The following WDR64 variants were observed in gnomAD, a reference collection of about 807,000 sequenced individuals.
WDR64 encodes the protein WD repeat domain 64.
A neutral mutation model predicts 139.3 loss-of-function variants in WDR64; 112 were observed. The ratio of observed to expected loss-of-function variants is 0.80; its 90% confidence interval spans 0.69 to 0.94. WDR64 has a LOEUF of 0.94. Among genes scored for constraint, WDR64 ranks in the 40% least tolerant of loss-of-function variants. The pLI is 0.00. For synonymous variants in WDR64, 444 were observed against 437.7 expected, an observed-to-expected ratio of 1.01 and a Z score of -0.18; for missense variants, 1,206 against 1,293.1, an observed-to-expected ratio of 0.93 and a Z score of 1.03.
intron 3 of WDR64, 82 bp downstream of exon 3, chr1:241,671,258 A>C: frequency 1.0e-6 from 1 of 973,300 alleles, no homozygotes; most frequent in Non-Finnish European, 1.5e-6. Context: ...TTTCCATAGA[A>C]TCACTTTTCA....
chr1:241,745,367 C>T (rs771907673), intron 13 of WDR64, among the ~76,000 whole-genome samples: 6 of 138,560 alleles, frequency 4.3e-5, no homozygotes, highest in Non-Finnish European at 6.5e-5. Flanking sequence ...TCACGTGGAT[C>T]GGTTCTTGAG....
intron 9 of WDR64, among the ~76,000 whole-genome samples, chr1:241,716,072 G>A (rs1048174389): frequency 6.6e-6 from 1 of 152,120 alleles, no homozygotes; most frequent in Admixed American, 6.6e-5. Flanking sequence ...GCCTCTATTA[G>A]TAGAAAATGC....
At chr1:241,724,301 T>C (rs1668719343) in intron 10 of WDR64, among the ~76,000 whole-genome samples, 1 of 152,186 alleles carries the variant, frequency 6.6e-6, no homozygotes, top group Non-Finnish European at 1.5e-5. Flanking sequence ...TATATAGGAA[T>C]ATCCTAGAAA....
intron 25 of WDR64, among the ~76,000 whole-genome samples, chr1:241,791,552 G>A (rs931720024): frequency 4.6e-5 from 7 of 151,992 alleles, no homozygotes; most frequent in Admixed American, 1.3e-4. Flanking sequence ...TCCACCTGTC[G>A]TCCTAGCTAG....
chr1:241,660,680 A>G lies in WDR64; in HGVS notation c.276+20A>G, dbSNP rs1665796972. On this transcript the variant is annotated intron_variant, in intron 2 of 27. Transcript: ENST00000437684. ...TGTGAGGTAGACTCATTTCATGTTC[A>G]TAATATGAAATCCAGGTATTATTTT... 6.5e-7 allele frequency: 1 copy of G among 1,542,680 alleles called. No homozygotes were observed. The highest frequency in any genetic ancestry group is 1.4e-5 in the African/African-American group (1 of 72,522).
chr1:241,791,123 T>A (rs536606094), intron 25 of WDR64, among the ~76,000 whole-genome samples: 1 of 4,376 alleles, frequency 2.3e-4, no homozygotes, highest in Non-Finnish European at 8.5e-4. Context: ...TCCATCTCTA[T>A]TAAAAGTAAA....
intron 25 of WDR64, among the ~76,000 whole-genome samples, chr1:241,792,855 T>C (rs114712844): frequency 7.2e-5 from 11 of 152,262 alleles, no homozygotes; most frequent in African/African-American, 2.4e-4. Context: ...CTAGTAAAGA[T>C]GAAAATAGGC....
In WDR64 at chr1:241,762,801, T is replaced by C. The variant is rs544131373; in HGVS notation, c.1948-3417T>C. Reference sequence around the variant, plus strand: ...AAAAAAAAAAAATAGAATAATAATATAGCTGGTTTATGGAATTTGGAAACA... The same window carrying C: ...AAAAAAAAAAAATAGAATAATAATACAGCTGGTTTATGGAATTTGGAAACA... On this transcript the variant is annotated intron_variant, in intron 15 of 27. Transcript: ENST00000437684. Among the ~76,000 whole-genome samples, 58 of 151,706 alleles carry C rather than the reference T, an allele frequency of 3.8e-4. 1 individual carries two copies. The highest frequency in any genetic ancestry group is 1.2e-3 in the African/African-American group (51 of 41,334).
chr1:241,698,900 C>T (rs1242860485), intron 8 of WDR64, among the ~76,000 whole-genome samples: 1 of 152,302 alleles, frequency 6.6e-6, no homozygotes. Context: ...CACAGTTCTG[C>T]AGGGCTGCAA....
At chr1:241,686,322 G>A (rs772279877) in intron 7 of WDR64, among the ~76,000 whole-genome samples, 9 of 152,168 alleles carry the variant, frequency 5.9e-5, no homozygotes, top group Admixed American at 1.3e-4. Flanking sequence ...ACACTGATAT[G>A]CAAACCATTA....
chr1:241,792,849 T>C (rs1574100860), intron 25 of WDR64, among the ~76,000 whole-genome samples: 1 of 152,170 alleles, frequency 6.6e-6, no homozygotes. Flanking sequence ...CATTATCTAG[T>C]AAAGATGAAA....
chr1:241,782,610 C>T (rs529352643), intron 22 of WDR64, among the ~76,000 whole-genome samples: 2 of 152,202 alleles, frequency 1.3e-5, no homozygotes, highest in Admixed American at 6.5e-5. Context: ...GAAGGTCTCC[C>T]GAGGCCCACG....
intron 13 of WDR64, among the ~76,000 whole-genome samples, chr1:241,747,664 C>T (rs927152077): frequency 1.3e-5 from 2 of 151,750 alleles, no homozygotes; most frequent in Non-Finnish European, 2.9e-5. Flanking sequence ...GTGTTGGGCC[C>T]ATACTGACAT....
Position 241,652,324 on chromosome 1 carries a change from C to T in WDR64, c.-161C>T, listed in dbSNP as rs1246317181. On this transcript the variant is annotated 5_prime_UTR_variant, in exon 1 of 28. Coordinates refer to ENST00000437684, the MANE Select transcript of WDR64 (RefSeq NM_001367482.1). Reference sequence around the variant, plus strand: ...CTCCCTGCTAACATCCTAGTGGCAACTCTTACTCCTACCCGCACTATGGGA... The same window carrying T: ...CTCCCTGCTAACATCCTAGTGGCAATTCTTACTCCTACCCGCACTATGGGA... 4 of 673,790 alleles carry T rather than the reference C, an allele frequency of 5.9e-6. No homozygotes were observed. The highest frequency in any genetic ancestry group is 9.8e-6 in the Non-Finnish European group (4 of 408,364). 41.7% of individuals were successfully genotyped at this position (673,790 alleles called of 1,614,324 possible). A position where few individuals can be genotyped will look rare whatever the true frequency, so the allele number is the denominator to read the frequency against.
At chr1:241,728,426 C>A (rs1248207940) in intron 10 of WDR64, among the ~76,000 whole-genome samples, 1 of 104,278 alleles carries the variant, frequency 9.6e-6, no homozygotes, top group Non-Finnish European at 2.3e-5. Context: ...GAAAAGGGAA[C>A]AGACAACATC....
At chr1:241,714,671 C>T (rs7416504) in intron 9 of WDR64, among the ~76,000 whole-genome samples, 76,531 of 151,894 alleles carry the variant, frequency 0.5, 19,956 homozygotes, top group Non-Finnish European at 0.57. Context: ...TAACACTAAA[C>T]TGAAATTAGC....
chr1:241,771,523 C>CA (rs139942709), intron 18 of WDR64, 138 bp from the exon 19 acceptor site: 76,523 of 521,098 alleles, frequency 0.15, 6,196 homozygotes, highest in African/African-American at 0.25. Flanking sequence ...ACATTTTTTT[C>CA]AAAAAAAAAT....
At chr1:241,700,782 T>C (rs772536117) in intron 8 of WDR64, among the ~76,000 whole-genome samples, 2 of 152,194 alleles carry the variant, frequency 1.3e-5, no homozygotes, top group African/African-American at 2.4e-5. Flanking sequence ...TCAAATAAGC[T>C]GAGATGGTGA....
intron 8 of WDR64, among the ~76,000 whole-genome samples, chr1:241,701,854 G>A (rs1439039247): frequency 6.6e-6 from 1 of 152,124 alleles, no homozygotes; most frequent in Non-Finnish European, 1.5e-5. Flanking sequence ...GACTCAACAT[G>A]TTTCTATTTT....
Sources: gnomAD v4.1 joint callset for allele counts (sites outside exome capture counted in the v4.1 genomes callset) on GRCh38, gnomAD v4.1.1 for gene constraint, MANE v1.5 for transcripts, NCBI Gene and HGNC (gene_info 2026-07-23, HGNC 2026-07-21) for gene names.